PLLP: variants seen among roughly 807,000 people sequenced by gnomAD.
The protein encoded by PLLP is plasma membrane proteolipid (plasmolipin).
A neutral mutation model predicts 19.7 loss-of-function variants in PLLP; 15 were observed. The observed-to-expected ratio is 0.76, with a 90% CI of 0.51 to 1.17. The LOEUF (loss-of-function observed/expected upper bound fraction) is 1.17, where lower values mean the gene tolerates loss of function less well. PLLP is among the 50% of genes most tolerant of loss of function. The probability of loss-of-function intolerance (pLI) is 0.00; values close to 1 mark genes in which losing one functional copy is unlikely to be tolerated. For synonymous variants in PLLP, 111 were observed against 116.3 expected (o/e 0.95, Z 0.29); for missense variants, 255 against 258.3 (o/e 0.99, Z 0.09).
At chr16:57,280,168 CA>C (rs752417687) in intron 1 of PLLP, among the ~76,000 whole-genome samples, 18 of 152,300 alleles carry the variant, frequency 1.2e-4, no homozygotes, top group African/African-American at 2.6e-4. Flanking sequence ...TTCCCACCCC[CA>C]AAGTAAACAA....
chr16:57,258,343 G>A (rs1420958210), intron 3 of PLLP, 119 bp downstream of exon 3: 1 of 972,258 alleles, frequency 1.0e-6, no homozygotes. Flanking sequence ...GACCCACTGA[G>A]TGTTCAGGTG....
chr16:57,275,663 A>C (rs1901144447), intron 1 of PLLP, among the ~76,000 whole-genome samples: 1 of 112,302 alleles, frequency 8.9e-6, no homozygotes, highest in African/African-American at 3.4e-5. Flanking sequence ...AAAAAAAAAC[A>C]CCATGAGAGG....
chr16:57,266,130 G>A (rs2075456423), intron 1 of PLLP, among the ~76,000 whole-genome samples: 1 of 152,164 alleles, frequency 6.6e-6, no homozygotes, highest in African/African-American at 2.4e-5. Flanking sequence ...AAAAAATGAG[G>A]ACACTTCAGC....
rs563339829 is a variant in PLLP, at chr16:57,269,913, G to A, written c.136-7843C>T. On this transcript the variant is annotated intron_variant, in intron 1 of 3. Coordinates refer to ENST00000219207, the MANE Select transcript of PLLP (RefSeq NM_015993.3). ...CCCAAATAGCTGGGATTACAGGTGC[G>A]TGCCACCACCATGCCCGGCTAATTT... 1.1e-4 allele frequency among the ~76,000 whole-genome samples: 17 copies of A among 152,130 alleles called. No homozygotes were observed. In the East Asian group the frequency reaches 1.2e-3, roughly 10 times the overall value.
In PLLP at chr16:57,256,188, C is replaced by T; in HGVS notation, c.*725G>A. ...GCCAGGCAAGGCCTTGCTTCCCTCCCTCCTTTGCGTCCCATGTGCCTAGTC... is the reference window on the plus strand; with the variant it reads ...GCCAGGCAAGGCCTTGCTTCCCTCCTTCCTTTGCGTCCCATGTGCCTAGTC... On this transcript the variant is annotated 3_prime_UTR_variant, in exon 4 of 4. Transcript: ENST00000219207. 1 of 395,712 alleles carries T rather than the reference C, an allele frequency of 2.5e-6. No individual in the cohort carries two copies. The highest frequency in any genetic ancestry group is 3.6e-5 in the East Asian group (1 of 27,952). 24.5% of individuals were successfully genotyped at this position (395,712 alleles called of 1,614,324 possible). A position where few individuals can be genotyped will look rare whatever the true frequency, so the allele number is the denominator to read the frequency against.
At chr16:57,265,136 G>A (rs2075453171) in intron 1 of PLLP, among the ~76,000 whole-genome samples, 1 of 152,258 alleles carries the variant, frequency 6.6e-6, no homozygotes, top group Non-Finnish European at 1.5e-5. Context: ...CCGCAAGCAG[G>A]CCAGGTGAGG....
intron 1 of PLLP, among the ~76,000 whole-genome samples, chr16:57,266,024 AAAAT>A (rs1466586948): frequency 4.6e-5 from 7 of 152,168 alleles, no homozygotes; most frequent in African/African-American, 1.7e-4. Flanking sequence ...CCTGTCTCAA[AAAAT>A]AAATAAAAAT....
intron 2 of PLLP, among the ~76,000 whole-genome samples, chr16:57,259,433 G>A (rs1050475956): frequency 3.3e-5 from 5 of 152,134 alleles, no homozygotes; most frequent in Admixed American, 6.5e-5. Context: ...CAAATGCCAG[G>A]GTCAGGACCA....
intron 2 of PLLP, among the ~76,000 whole-genome samples, chr16:57,260,205 T>TTCTCTAGATGCAGTTAAGCCCTCTCTGC (rs1244947645): frequency 6.6e-6 from 1 of 152,188 alleles, no homozygotes; most frequent in African/African-American, 2.4e-5. Flanking sequence ...TAATCCAGCC[T>TTCTCTAGATGCAGTTAAGCCCTCTCTGC]TCTCTAGATG....
At chr16:57,277,172 T>C (rs774438830) in intron 1 of PLLP, among the ~76,000 whole-genome samples, 3 of 152,130 alleles carry the variant, frequency 2.0e-5, no homozygotes, top group Non-Finnish European at 4.4e-5. Context: ...AGTCTTAAAA[T>C]GGGATATAGA....
intron 1 of PLLP, among the ~76,000 whole-genome samples, chr16:57,278,544 T>C (rs1199051445): frequency 6.6e-6 from 1 of 152,174 alleles, no homozygotes; most frequent in Non-Finnish European, 1.5e-5. Flanking sequence ...TATTCATATA[T>C]TCATAATGTA....
intron 1 of PLLP, among the ~76,000 whole-genome samples, chr16:57,278,049 A>G (rs1231280223): frequency 6.6e-6 from 1 of 152,020 alleles, no homozygotes; most frequent in African/African-American, 2.4e-5. Flanking sequence ...GTCTCAAAAC[A>G]TGAAGAGTGG....
intron 1 of PLLP, among the ~76,000 whole-genome samples, chr16:57,265,196 C>T (rs887606013): frequency 2.0e-5 from 3 of 152,286 alleles, no homozygotes; most frequent in Non-Finnish European, 4.4e-5. Flanking sequence ...TGCCCGCTGT[C>T]ACACACCAAG....
rs1181276721 is a variant in PLLP, at chr16:57,284,521, T to C, written c.20A>G (p.Lys7Arg). 2.9e-5 allele frequency: 41 copies of C among 1,390,976 alleles called. No homozygotes were observed. The highest frequency in any genetic ancestry group is 1.9e-4 in the Middle Eastern group (1 of 5,196). The allele number at this position is 1,390,976 out of a possible 1,614,324, so 86.2% of individuals were successfully genotyped here. A position where few individuals can be genotyped will look rare whatever the true frequency, so the allele number is the denominator to read the frequency against. ...AGGACTGCTGGTCCGCGTGCTAACT[T>C]TCGACGGGAACTCGGCCATGGCGGC... MAEFPSKVSTRTSSPAQ... is the reference protein window; with the variant it reads MAEFPSRVSTRTSSPAQ... The change falls in exon 1 of 4, where the codon AAA (lysine) becomes AGA (arginine). Residue 7 changes from lysine (K) to arginine (R), a missense_variant. Physicochemically the swap from Lys to Arg is conservative, Grantham distance 26. Coordinates refer to ENST00000219207, the MANE Select transcript of PLLP (RefSeq NM_015993.3).
At chr16:57,280,052 C>A (rs1196389210) in intron 1 of PLLP, among the ~76,000 whole-genome samples, 1 of 152,210 alleles carries the variant, frequency 6.6e-6, no homozygotes, top group African/African-American at 2.4e-5. Context: ...CTGTCCTGAT[C>A]CTCCTTCTCC....
At chr16:57,279,318 C>A (rs1440878374) in intron 1 of PLLP, among the ~76,000 whole-genome samples, 2 of 151,878 alleles carry the variant, frequency 1.3e-5, no homozygotes, top group African/African-American at 2.4e-5. Context: ...CATGCCACCC[C>A]ATGGATCATG....
chr16:57,274,987 T>C (rs1252314330), intron 1 of PLLP, among the ~76,000 whole-genome samples: 1 of 151,264 alleles, frequency 6.6e-6, no homozygotes, highest in Non-Finnish European at 1.5e-5. Flanking sequence ...GGTCTCAATC[T>C]CCTGACCTCG....
chr16:57,279,682 A>G (rs1404180269), intron 1 of PLLP, among the ~76,000 whole-genome samples: 1 of 151,274 alleles, frequency 6.6e-6, no homozygotes, highest in Non-Finnish European at 1.5e-5. Flanking sequence ...CTCGAGGAAA[A>G]AAAAAAAAAA....
chr16:57,257,032 G>A lies in PLLP; in HGVS notation c.433-3C>T. ...ATCATCACCAAACACGCAAAGAACT[G>A]AAAGAGAGGTGAGAAGGGCTTAAGG... On this transcript the variant is annotated splice_polypyrimidine_tract_variant and splice_region_variant and intron_variant, in intron 3 of 3. Coordinates refer to ENST00000219207, the MANE Select transcript of PLLP (RefSeq NM_015993.3). 1 of 1,604,012 alleles carries A rather than the reference G, an allele frequency of 6.2e-7. No homozygotes were observed. Among genetic ancestry groups the A allele is most frequent in the South Asian group, 1.1e-5 (1 of 90,882 alleles).
Sources: allele counts gnomAD v4.1 joint callset (sites outside exome capture counted in the v4.1 genomes callset), GRCh38; gene constraint gnomAD v4.1.1; transcripts MANE v1.5; gene names NCBI Gene and HGNC (gene_info 2026-07-23, HGNC 2026-07-21).